Variants in RBM6 observed in about 807,000 individuals in gnomAD.
The protein encoded by RBM6 is RNA-binding protein 6.
In RBM6, 23 loss-of-function variants were observed where a neutral mutation model predicts 140.4. The ratio of observed to expected loss-of-function variants is 0.16; its 90% confidence interval spans 0.12 to 0.23. The LOEUF (loss-of-function observed/expected upper bound fraction) is 0.23. Ranked by LOEUF, RBM6 falls within the 10% of genes least tolerant of loss-of-function variation. RBM6 has a pLI of 1.00. For missense variants in RBM6, 1,139 were observed against 1,386.7 expected, an observed-to-expected ratio of 0.82 and a Z score of 2.84; for synonymous variants, 439 against 475.6, an observed-to-expected ratio of 0.92 and a Z score of 1.00.
chr3:49,962,410 C>T (rs577981243), intron 1 of RBM6, among the ~76,000 whole-genome samples, 166 bp from the exon 2 acceptor site: 84 of 150,006 alleles, frequency 5.6e-4, no homozygotes, highest in African/African-American at 1.5e-3. Context: ...CCAGCCTGGG[C>T]GACAGAGCGA....
In RBM6 at chr3:50,061,955, A is replaced by G; in HGVS notation, c.2440-7A>G. 3.7e-6 allele frequency: 6 copies of G among 1,612,186 alleles called. No homozygotes were observed. The highest frequency in any genetic ancestry group is 5.1e-6 in the Non-Finnish European group (6 of 1,179,486). On this transcript the variant is annotated splice_polypyrimidine_tract_variant and splice_region_variant and intron_variant, in intron 14 of 20. Coordinates refer to ENST00000266022, the MANE Select transcript of RBM6 (RefSeq NM_005777.3). ...TGTAGACTTACTTGTTTCCAACTGTATCGCAGCAAGAAGTCTATGTGCCCC... is the reference window on the plus strand; with the variant it reads ...TGTAGACTTACTTGTTTCCAACTGTGTCGCAGCAAGAAGTCTATGTGCCCC...
At chr3:49,943,306 T>C (rs776058673) in intron 1 of RBM6, among the ~76,000 whole-genome samples, 55 of 151,012 alleles carry the variant, frequency 3.6e-4, no homozygotes, top group Non-Finnish European at 6.6e-4. Flanking sequence ...TTAATTATTT[T>C]ATTTATTTTT....
intron 6 of RBM6, among the ~76,000 whole-genome samples, chr3:50,006,520 A>G (rs1041790757): frequency 2.6e-5 from 4 of 152,240 alleles, no homozygotes; most frequent in South Asian, 2.1e-4. Context: ...CGGGGGTTGC[A>G]TTTCGGCTCC....
chr3:50,070,973 T>C (rs191972046), intron 19 of RBM6, among the ~76,000 whole-genome samples: 427 of 152,354 alleles, frequency 2.8e-3, no homozygotes, highest in Non-Finnish European at 4.9e-3. Context: ...TTCAGTCAGC[T>C]AGTTCCCAAG....
rs1256571365 is a variant in RBM6, at chr3:49,968,392, G to A, written c.967G>A (p.Glu323Lys). The change falls in exon 3 of 21, where the codon GAA becomes AAA. Residue 323 changes from glutamate to lysine, a missense_variant. By Grantham distance (56) the Glu-to-Lys change is moderately conservative (BLOSUM62 1). This residue lies in a region of RBM6 where 566 missense variants were observed against 612.7 expected (regional missense o/e 0.92). Coordinates refer to ENST00000266022, the MANE Select transcript of RBM6 (RefSeq NM_005777.3). ...REESTHDHTI[E>K]RPAFGIQKGE... ...AGAATCCACACATGACCATACGATA[G>A]AAAGGCCTGCTTTTGGCATTCAGAA... is the stretch of plus-strand genomic sequence containing the variant. The A allele has an allele frequency of 6.2e-7, 1 of 1,614,212 alleles. No individual in the cohort carries two copies. Among genetic ancestry groups the A allele is most frequent in the Non-Finnish European group, 8.5e-7 (1 of 1,180,038 alleles).
chr3:50,055,817 G>T (rs906401537), intron 8 of RBM6, among the ~76,000 whole-genome samples: 1 of 152,178 alleles, frequency 6.6e-6, no homozygotes, highest in Non-Finnish European at 1.5e-5. Flanking sequence ...TATTATTTTA[G>T]AGGAATAAAA....
chr3:50,071,149 G>C (rs1024331429), intron 19 of RBM6, among the ~76,000 whole-genome samples: 1 of 152,184 alleles, frequency 6.6e-6, no homozygotes, highest in African/African-American at 2.4e-5. Flanking sequence ...AAATCAGTGG[G>C]GAAGGGAAGG....
chr3:50,045,997 C>T (rs1449488434), intron 6 of RBM6, among the ~76,000 whole-genome samples: 1 of 151,970 alleles, frequency 6.6e-6, no homozygotes, highest in East Asian at 1.9e-4. Flanking sequence ...AGGGGTTCAT[C>T]TTAGGCCGGA....
chr3:50,030,737 T>C (rs1461874444), intron 6 of RBM6, among the ~76,000 whole-genome samples: 2 of 152,216 alleles, frequency 1.3e-5, no homozygotes, highest in Admixed American at 6.5e-5. Flanking sequence ...CTTTCAACCA[T>C]GTAGCCCCAT....
chr3:49,968,723 C>T lies in RBM6; in HGVS notation c.1298C>T (p.Ala433Val), dbSNP rs368532531. ...AAGTCTTTTCCAGAGGGCAAAACTG[C>T]CCGAGATGCCCAACGGGACCTTCAG... ...QSKSFPEGKT[A>V]RDAQRDLQDQ... The change falls in exon 3 of 21, where the codon GCC becomes GTC. Residue 433 changes from alanine (A) to valine (V), a missense_variant. Around this residue, in one of 9 missense-constraint regions of RBM6, gnomAD observed 566 missense variants for 612.7 expected, o/e 0.92. Transcript: ENST00000266022. 1 of 1,610,784 alleles carries T rather than the reference C, an allele frequency of 6.2e-7. No homozygotes were observed. Among genetic ancestry groups the T allele is most frequent in the Non-Finnish European group, 8.5e-7 (1 of 1,178,598 alleles).
At chr3:49,955,057 C>CT (rs2083910454) in intron 1 of RBM6, among the ~76,000 whole-genome samples, 1 of 151,966 alleles carries the variant, frequency 6.6e-6, no homozygotes, top group African/African-American at 2.4e-5. Flanking sequence ...CCGCACCCGG[C>CT]CTTGCACATG....
chr3:50,054,281 A>G, intron 7 of RBM6, 54 bp from the exon 8 acceptor site: 1 of 1,429,540 alleles, frequency 7.0e-7, no homozygotes, highest in Non-Finnish European at 9.9e-7. Flanking sequence ...TGTTAGATAT[A>G]CATAAGATTT....
In RBM6 at chr3:50,070,518, A is replaced by G. The variant is rs761081052; in HGVS notation, c.3082A>G (p.Arg1028Gly). ...GCTCCAGTCTTTTGACTCTCCAGAAAGGAAACGGATTAAGTACTCCAGGGA... is the reference window on the plus strand; with the variant it reads ...GCTCCAGTCTTTTGACTCTCCAGAAGGGAAACGGATTAAGTACTCCAGGGA... ...EKLQSFDSPE[R>G]KRIKYSRETD... The change falls in exon 19 of 21, where the codon AGG (arginine) becomes GGG (glycine). Residue 1028 changes from arginine to glycine, a missense_variant. Physicochemically the swap from Arg to Gly is moderately radical, Grantham distance 125. This residue lies in a region of RBM6 where 125 missense variants were observed against 142.0 expected (regional missense o/e 0.88). Coordinates refer to ENST00000266022, the MANE Select transcript of RBM6 (RefSeq NM_005777.3). The G allele has an allele frequency of 1.4e-5, 23 of 1,613,880 alleles. No homozygotes were observed. The African/African-American group carries it at 2.3e-4, about 16-fold the overall frequency.
intron 6 of RBM6, among the ~76,000 whole-genome samples, chr3:50,000,033 T>G (rs1458818903): frequency 6.6e-6 from 1 of 152,168 alleles, no homozygotes; most frequent in East Asian, 1.9e-4. Flanking sequence ...TCTATTGCAT[T>G]CATCATTGTT....
chr3:50,016,189 G>A (rs992273340), intron 6 of RBM6, among the ~76,000 whole-genome samples: 1 of 152,162 alleles, frequency 6.6e-6, no homozygotes, highest in Non-Finnish European at 1.5e-5. Context: ...GTGAGATCAT[G>A]CAGTATTTGT....
chr3:50,039,669 A>G (rs936423281), intron 6 of RBM6, among the ~76,000 whole-genome samples: 3 of 152,198 alleles, frequency 2.0e-5, no homozygotes, highest in East Asian at 1.9e-4. Flanking sequence ...AAAAATCTGC[A>G]TTTTAGTGGT....
At chr3:49,971,399 T>G (rs1419808283) in intron 3 of RBM6, among the ~76,000 whole-genome samples, 43 of 150,888 alleles carry the variant, frequency 2.8e-4, no homozygotes, top group Admixed American at 2.8e-3. Context: ...GGGCTGAGAT[T>G]GTGCCACTGC....
rs146438676 is a variant in RBM6, at chr3:50,077,118, T to C, written c.3357T>C (p.Tyr1119=). 1.7e-5 allele frequency: 27 copies of C among 1,611,402 alleles called. No individual in the cohort carries two copies. The Admixed American group carries it at 2.0e-4, about 12-fold the overall frequency. ...TTCGAAGAGTCATGTTTGCTCGATA[T>C]AAAGAACTCGATTAAGAAAGGAGAC... is the stretch of plus-strand genomic sequence containing the variant. ...DAVRRVMFAR[Y]KELD The change falls in exon 21 of 21, where the codon TAT becomes TAC. Residue 1119 remains tyrosine (Y), a synonymous_variant. Coordinates refer to ENST00000266022, the MANE Select transcript of RBM6 (RefSeq NM_005777.3).
chr3:49,952,805 C>T (rs2083798383), intron 1 of RBM6, among the ~76,000 whole-genome samples: 2 of 152,050 alleles, frequency 1.3e-5, no homozygotes, highest in Admixed American at 1.3e-4. Context: ...GCTTATTTTT[C>T]TTTTTGTTAC....
Sources: allele counts gnomAD v4.1 joint callset (sites outside exome capture counted in the v4.1 genomes callset), GRCh38; gene constraint gnomAD v4.1.1; regional missense constraint gnomAD v4.1.1; transcripts MANE v1.5; gene names NCBI Gene and HGNC (gene_info 2026-07-23, HGNC 2026-07-21).